GBF1: variants seen among roughly 807,000 people sequenced by gnomAD.
GBF1 encodes Golgi-specific brefeldin A-resistance guanine nucleotide exchange factor 1.
In GBF1, 114 loss-of-function variants were observed where a neutral mutation model predicts 210.5. That is an observed-to-expected ratio of 0.54 (90% CI 0.47 to 0.63). The LOEUF (loss-of-function observed/expected upper bound fraction) is 0.63. Among genes scored for constraint, GBF1 ranks in the 30% least tolerant of loss-of-function variants. The pLI, the probability that GBF1 is intolerant of heterozygous loss-of-function variation, is 0.00. For synonymous variants in GBF1, 850 were observed against 889.2 expected, an observed-to-expected ratio of 0.96 and a Z score of 0.78; for missense variants, 1,851 against 2,357.7, an observed-to-expected ratio of 0.79 and a Z score of 4.45.
At chr10:102,305,632 T>C (rs1269979059) in intron 3 of GBF1, among the ~76,000 whole-genome samples, 3 of 151,926 alleles carry the variant, frequency 2.0e-5, no homozygotes, top group South Asian at 2.1e-4. Context: ...AAAAAAGAAA[T>C]TGGAGTCCTT....
At chr10:102,320,087 G>A (rs1218778019) in intron 3 of GBF1, among the ~76,000 whole-genome samples, 2 of 152,014 alleles carry the variant, frequency 1.3e-5, no homozygotes, top group East Asian at 3.9e-4. Flanking sequence ...ACGTCATCCA[G>A]TAGCTTCTAG....
chr10:102,271,195 G>T (rs1424918463), intron 3 of GBF1, among the ~76,000 whole-genome samples: 1 of 151,912 alleles, frequency 6.6e-6, no homozygotes, highest in East Asian at 1.9e-4. Context: ...CCGCCACTGC[G>T]CCCGGCTAAT....
Position 102,368,305 on chromosome 10 carries a change from C to A in GBF1, c.2730C>A (p.Thr910=), listed in dbSNP as rs2060017794. Residue 910 remains threonine, a synonymous_variant, in exon 22 of 40, where the codon ACC becomes ACA. Coordinates refer to ENST00000369983, the MANE Select transcript of GBF1 (RefSeq NM_001377137.1). ...ATGTGCTGCTTCATCGAGGTGCCACCCCTGAGGGCATATTCCTGCGTGTGC... is the reference window on the plus strand; with the variant it reads ...ATGTGCTGCTTCATCGAGGTGCCACACCTGAGGGCATATTCCTGCGTGTGC... ...VWNVLLHRGA[T]PEGIFLRVPT... 1.2e-6 allele frequency: 2 copies of A among 1,613,794 alleles called. No individual in the cohort carries two copies. The highest frequency in any genetic ancestry group is 3.3e-5 in the Admixed American group (2 of 60,008).
chr10:102,258,098 G>C (rs952116109), intron 1 of GBF1, among the ~76,000 whole-genome samples: 49 of 150,820 alleles, frequency 3.2e-4, no homozygotes, highest in African/African-American at 1.0e-3. Flanking sequence ...AGGAGAGCCA[G>C]ATAGTTGGAT....
At chr10:102,267,713 T>C (rs2074007614) in intron 3 of GBF1, among the ~76,000 whole-genome samples, 1 of 152,198 alleles carries the variant, frequency 6.6e-6, no homozygotes, top group Non-Finnish European at 1.5e-5. Context: ...TGTGAATTGT[T>C]CAAGGCCTAA....
At chr10:102,304,191 C>T (rs1409358522) in intron 3 of GBF1, among the ~76,000 whole-genome samples, 1 of 152,120 alleles carries the variant, frequency 6.6e-6, no homozygotes, top group Non-Finnish European at 1.5e-5. Context: ...ATTTAAGATT[C>T]ATTGGCCTTT....
chr10:102,347,734 T>A (rs1254228387), intron 4 of GBF1, among the ~76,000 whole-genome samples: 1 of 152,178 alleles, frequency 6.6e-6, no homozygotes, highest in Non-Finnish European at 1.5e-5. Flanking sequence ...TTTAGGCTGC[T>A]CTTCTAGAAG....
At position 102,363,788 on chromosome 10, in the gene GBF1, A is replaced by G. The variant is rs1450787777; in HGVS notation, c.2096A>G (p.Asn699Ser). ...CCACGGGAACTAATTGAAATTAAAA[A>G]CAAAAAGAAGGTACATACATGTATT... is the stretch of plus-strand genomic sequence containing the variant. ...PDPRELIEIK[N>S]KKKLLITGTE... The change falls in exon 17 of 40, where the codon AAC (asparagine) becomes AGC (serine). Residue 699 changes from asparagine (N) to serine (S), a missense_variant. Coordinates refer to ENST00000369983, the MANE Select transcript of GBF1 (RefSeq NM_001377137.1). This position sits in a 1 kb window ranked among gnomAD's most constrained non-coding sequence, Gnocchi z 4.2. 1 of 1,603,896 alleles carries G rather than the reference A, an allele frequency of 6.2e-7. No homozygotes were observed. Among genetic ancestry groups the G allele is most frequent in the East Asian group, 2.2e-5 (1 of 44,850 alleles).
intron 36 of GBF1, 32 bp from the exon 37 acceptor site, chr10:102,380,217 C>T: frequency 1.4e-6 from 2 of 1,421,502 alleles, no homozygotes; most frequent in South Asian, 1.1e-5. Flanking sequence ...CTCCTACAGT[C>T]CCCTCAGCTG....
At chr10:102,319,843 C>G (rs1434487901) in intron 3 of GBF1, among the ~76,000 whole-genome samples, 1 of 151,714 alleles carries the variant, frequency 6.6e-6, no homozygotes, top group East Asian at 1.9e-4. Flanking sequence ...ATTTTCCTGC[C>G]TCTGCCTCCT....
chr10:102,258,384 G>A lies in GBF1; in HGVS notation c.-10-545G>A, dbSNP rs187407641. On this transcript the variant is annotated intron_variant, in intron 1 of 39. Transcript: ENST00000369983. ...TTGGTCAGGCTGGTCTTGAGCTCCC[G>A]ACCTCAGGTGATCCACCTGCCTCTG... is the stretch of plus-strand genomic sequence containing the variant. 3.9e-3 allele frequency among the ~76,000 whole-genome samples: 584 copies of A among 148,828 alleles called. 1 individual carries two copies. Among genetic ancestry groups the A allele is most frequent in the Middle Eastern group, 0.024 (7 of 292 alleles).
chr10:102,348,172 G>A (rs1036847611), intron 4 of GBF1, among the ~76,000 whole-genome samples: 15 of 151,974 alleles, frequency 9.9e-5, no homozygotes, highest in East Asian at 3.9e-4. Context: ...CCTGAGCTCC[G>A]GCAATCTGCC....
At chr10:102,379,018 A>G (rs949799191) in intron 33 of GBF1, among the ~76,000 whole-genome samples, 1 of 152,238 alleles carries the variant, frequency 6.6e-6, no homozygotes, top group African/African-American at 2.4e-5. Flanking sequence ...TATCTTTCTC[A>G]CTGTGAGTAA....
intron 3 of GBF1, among the ~76,000 whole-genome samples, chr10:102,270,234 A>G (rs750253442): frequency 1.3e-5 from 2 of 150,720 alleles, no homozygotes; most frequent in Non-Finnish European, 2.9e-5. Context: ...TAGTGGCGCA[A>G]TCTTGGCTCA....
chr10:102,356,985 C>T (rs1203934607), intron 8 of GBF1, among the ~76,000 whole-genome samples: 1 of 152,084 alleles, frequency 6.6e-6, no homozygotes, highest in Non-Finnish European at 1.5e-5. Flanking sequence ...CATCTGACAA[C>T]ATAAAACTGC....
intron 39 of GBF1, 104 bp from the exon 40 acceptor site, chr10:102,381,952 G>A (rs2060884854): frequency 1.0e-6 from 1 of 993,388 alleles, no homozygotes; most frequent in Non-Finnish European, 1.4e-6. Flanking sequence ...TTGCTTACTG[G>A]AACAAGGAGG....
At chr10:102,269,024 G>A (rs2074147700) in intron 3 of GBF1, among the ~76,000 whole-genome samples, 1 of 152,208 alleles carries the variant, frequency 6.6e-6, no homozygotes, top group Admixed American at 6.5e-5. Flanking sequence ...CACCAGTTTA[G>A]GGGCCTTTAT....
At chr10:102,324,316 T>C (rs2056710514) in intron 3 of GBF1, among the ~76,000 whole-genome samples, 1 of 152,180 alleles carries the variant, frequency 6.6e-6, no homozygotes, top group Non-Finnish European at 1.5e-5. Context: ...TGTTTCAGTT[T>C]TCCAGGGAAT....
At chr10:102,336,056 C>T (rs1167918227) in intron 3 of GBF1, among the ~76,000 whole-genome samples, 3 of 151,904 alleles carry the variant, frequency 2.0e-5, no homozygotes, top group Non-Finnish European at 4.4e-5. Context: ...AATCCCAGCA[C>T]TTTGGGAGGC....
Sources: gnomAD v4.1 joint callset for allele counts (sites outside exome capture counted in the v4.1 genomes callset) on GRCh38, gnomAD v4.1.1 for gene constraint, Gnocchi (gnomAD v3.1) non-coding constraint, MANE v1.5 for transcripts, NCBI Gene and HGNC (gene_info 2026-07-23, HGNC 2026-07-21) for gene names.